FRY: variants seen among roughly 807,000 people sequenced by gnomAD.
FRY encodes the protein FRY microtubule binding protein.
Under a neutral mutation model 348.4 loss-of-function variants are expected in FRY, and 128 were observed. That is an observed-to-expected ratio of 0.37 (90% CI 0.32 to 0.43). The LOEUF is 0.43. Ranked by LOEUF, FRY falls within the 20% of genes least tolerant of loss-of-function variation. FRY has a pLI of 1.00. For missense variants in FRY, 2,736 were observed against 3,695.2 expected (o/e 0.74, Z 6.73); for synonymous variants, 1,370 against 1,374.7 (o/e 1.00, Z 0.08).
At chr13:32,240,017 T>C in intron 46 of FRY, 136 bp downstream of exon 46, 1 of 687,088 alleles carries the variant, frequency 1.5e-6, no homozygotes, top group African/African-American at 1.8e-5. Flanking sequence ...CACCATTCCC[T>C]GCCAGAGGTA....
chr13:32,264,800 T>G (rs1022604324), intron 53 of FRY, among the ~76,000 whole-genome samples: 10 of 152,184 alleles, frequency 6.6e-5, no homozygotes, highest in African/African-American at 1.7e-4. Context: ...AAAGCATACA[T>G]GCAAATGGAT....
chr13:32,065,713 G>A lies in FRY; in HGVS notation c.71-13121G>A, dbSNP rs113485224. Among the ~76,000 whole-genome samples the A allele has an allele frequency of 3.9e-3, 595 of 152,200 alleles. 3 individuals are homozygous for A. The highest frequency in any genetic ancestry group is 0.014 in the African/African-American group (572 of 41,522). The stretch of plus-strand genomic sequence containing the variant: ...ATTCCTGGGCTCAAGCGATCCTCCC[G>A]TCTCAGCCTCCCAGTAGCTAAGACT... On this transcript the variant is annotated intron_variant, in intron 1 of 60. Coordinates refer to ENST00000542859, the MANE Select transcript of FRY (RefSeq NM_023037.3).
intron 51 of FRY, among the ~76,000 whole-genome samples, chr13:32,257,185 C>T (rs1887385977): frequency 6.6e-6 from 1 of 152,176 alleles, no homozygotes. Flanking sequence ...CCTCTACCTG[C>T]CTGTAGAGCT....
At chr13:32,120,369 G>A (rs926263864) in intron 4 of FRY, among the ~76,000 whole-genome samples, 1 of 152,054 alleles carries the variant, frequency 6.6e-6, no homozygotes. Flanking sequence ...AATTCCAAAT[G>A]AGCCCTCAAT....
intron 59 of FRY, chr13:32,292,066 G>A (rs1489025018): frequency 2.3e-6 from 1 of 437,232 alleles, no homozygotes; most frequent in Non-Finnish European, 4.6e-6. Context: ...CACTGCAACT[G>A]CCACCTCCCA....
intron 35 of FRY, among the ~76,000 whole-genome samples, chr13:32,216,819 T>G (rs1885018168): frequency 6.6e-6 from 1 of 152,238 alleles, no homozygotes; most frequent in Admixed American, 6.5e-5. Flanking sequence ...TATTCTGTTC[T>G]TATAGATTCA....
intron 17 of FRY, 94 bp downstream of exon 17, chr13:32,161,345 T>C (rs1593682470): frequency 1.1e-6 from 1 of 879,966 alleles, no homozygotes; most frequent in Non-Finnish European, 1.9e-6. Flanking sequence ...TTAACAAATA[T>C]TTACCAAATG....
chr13:32,204,790 A>T (rs1884257204), intron 31 of FRY, among the ~76,000 whole-genome samples: 1 of 152,206 alleles, frequency 6.6e-6, no homozygotes, highest in African/African-American at 2.4e-5. Context: ...ATTTATTTTT[A>T]TGCACTTCAC....
chr13:32,227,780 C>G (rs1885663129), intron 39 of FRY, among the ~76,000 whole-genome samples: 1 of 139,822 alleles, frequency 7.2e-6, no homozygotes, highest in African/African-American at 2.7e-5. Flanking sequence ...GAGACAGAGT[C>G]TCACTCTGTC....
intron 48 of FRY, 90 bp from the exon 49 acceptor site, chr13:32,249,436 T>C: frequency 5.2e-6 from 7 of 1,352,916 alleles, no homozygotes; most frequent in Non-Finnish European, 7.2e-6. Context: ...TTTAATCAAA[T>C]AAGCAGCTCT....
At chr13:32,242,186 GTAA>G (rs1027871802) in intron 46 of FRY, among the ~76,000 whole-genome samples, 24 of 152,252 alleles carry the variant, frequency 1.6e-4, no homozygotes, top group African/African-American at 4.8e-4. Context: ...ATTTGATCAA[GTAA>G]TAATAGATTT....
At chr13:32,103,731 G>A (rs531854875) in intron 3 of FRY, among the ~76,000 whole-genome samples, 30 of 152,212 alleles carry the variant, frequency 2.0e-4, no homozygotes, top group African/African-American at 6.7e-4. Context: ...TTGAGAGGCC[G>A]AGGCAGGTGG....
chr13:32,113,060 A>G (rs975392754), intron 3 of FRY, among the ~76,000 whole-genome samples: 2 of 152,236 alleles, frequency 1.3e-5, no homozygotes, highest in African/African-American at 2.4e-5. Context: ...TTGTTTTTCT[A>G]TGAAACTATT....
intron 58 of FRY, among the ~76,000 whole-genome samples, chr13:32,282,381 A>G (rs1888853810): frequency 6.6e-6 from 1 of 152,256 alleles, no homozygotes; most frequent in African/African-American, 2.4e-5. Context: ...AAATAGCAAT[A>G]TGAATATACC....
At chr13:32,201,767 C>G (rs1174745960) in intron 29 of FRY, among the ~76,000 whole-genome samples, 174 bp from the exon 30 acceptor site, 1 of 152,122 alleles carries the variant, frequency 6.6e-6, no homozygotes, top group East Asian at 1.9e-4. Flanking sequence ...AGTCATTTTC[C>G]TTTATCTACT....
rs1286946646 is a variant in FRY at position 32,185,037 on chromosome 13, G to A, written c.3208G>A (p.Asp1070Asn). ...GGGAGCTTTGTTCTTAGAATATGTGGACTTGACCCGCATGCTCCTAGAAGC... is the reference window on the plus strand; with the variant it reads ...GGGAGCTTTGTTCTTAGAATATGTGAACTTGACCCGCATGCTCCTAGAAGC... ...ALGALFLEYV[D>N]LTRMLLEAEN... is the part of the protein sequence containing the mutation. Residue 1070 changes from aspartate to asparagine, a missense_variant, in exon 26 of 61, where the codon GAC becomes AAC. Physicochemically the swap from Asp to Asn is conservative, Grantham distance 23. This residue lies in a region of FRY where 449 missense variants were observed against 576.9 expected (regional missense o/e 0.78). Coordinates refer to ENST00000542859, the MANE Select transcript of FRY (RefSeq NM_023037.3). 2 of 1,613,658 alleles carry A rather than the reference G, an allele frequency of 1.2e-6. No homozygotes were observed. Among genetic ancestry groups the A allele is most frequent in the East Asian group, 2.2e-5 (1 of 44,874 alleles).
chr13:32,224,916 A>G lies in FRY; in HGVS notation c.4917-17A>G. On this transcript the variant is annotated splice_polypyrimidine_tract_variant and intron_variant, in intron 37 of 60. Coordinates refer to ENST00000542859, the MANE Select transcript of FRY (RefSeq NM_023037.3). ...CCCCTTCAGAAGTTGCATTAATTTC[A>G]TTATTTCATTGATTAGGTGCAATAT... The G allele has an allele frequency of 7.0e-7, 1 of 1,438,512 alleles. No individual in the cohort carries two copies. Among genetic ancestry groups the G allele is most frequent in the Non-Finnish European group, 9.8e-7 (1 of 1,019,472 alleles). The allele number at this position is 1,438,512 out of a possible 1,614,324, so 89.1% of individuals were successfully genotyped here.
intron 34 of FRY, among the ~76,000 whole-genome samples, 163 bp downstream of exon 34, chr13:32,211,197 TGGTG>T: frequency 6.6e-6 from 1 of 152,228 alleles, no homozygotes; most frequent in Non-Finnish European, 1.5e-5. Context: ...GGGCTGGGCG[TGGTG>T]ACTCACGCCT....
chr13:32,267,616 C>T (rs960909479), intron 55 of FRY, among the ~76,000 whole-genome samples: 27 of 152,190 alleles, frequency 1.8e-4, no homozygotes, highest in African/African-American at 6.5e-4. Context: ...ACTGACATCA[C>T]CAGTCCTCAG....
Sources: gnomAD v4.1 joint callset for allele counts (sites outside exome capture counted in the v4.1 genomes callset) on GRCh38, gnomAD v4.1.1 for gene constraint, gnomAD v4.1.1 regional missense constraint, MANE v1.5 for transcripts, NCBI Gene and HGNC (gene_info 2026-07-23, HGNC 2026-07-21) for gene names.